The following VMP1 variants were observed in gnomAD, a reference collection of about 807,000 sequenced individuals.
The protein encoded by VMP1 is ectopic P-granules autophagy protein 3 homolog.
Under a neutral mutation model 56.0 loss-of-function variants are expected in VMP1, and 11 were observed. The observed-to-expected ratio is 0.20, with a 90% CI of 0.12 to 0.32. VMP1 has a LOEUF of 0.32. Ranked by LOEUF, VMP1 falls within the 10% of genes least tolerant of loss-of-function variation. VMP1 has a pLI of 1.00. For synonymous variants in VMP1, 149 were observed against 165.0 expected, an observed-to-expected ratio of 0.90 and a Z score of 0.74; for missense variants, 296 against 490.3, an observed-to-expected ratio of 0.60 and a Z score of 3.74.
intron 1 of VMP1, among the ~76,000 whole-genome samples, chr17:59,710,248 A>C (rs2033863648): frequency 6.6e-6 from 1 of 152,196 alleles, no homozygotes; most frequent in Non-Finnish European, 1.5e-5. Flanking sequence ...TAGAATTAGA[A>C]GGAATCTCTG....
chr17:59,751,870 A>G (rs1243930708), intron 5 of VMP1, among the ~76,000 whole-genome samples: 1 of 151,674 alleles, frequency 6.6e-6, no homozygotes, highest in African/African-American at 2.4e-5. Flanking sequence ...GCTGGAGTAC[A>G]GTGGCATGAA....
intron 10 of VMP1, among the ~76,000 whole-genome samples, chr17:59,831,612 A>ATTTTT (rs34016289): frequency 9.0e-5 from 12 of 132,916 alleles, no homozygotes; most frequent in Admixed American, 7.6e-5. Flanking sequence ...TTTTGAATGG[A>ATTTTT]TTTTTTTTTT....
chr17:59,789,163 A>G (rs2037123888), intron 7 of VMP1, among the ~76,000 whole-genome samples: 3 of 150,682 alleles, frequency 2.0e-5, no homozygotes, highest in Non-Finnish European at 4.4e-5. Flanking sequence ...GGTGGCACGC[A>G]CCTGTAGTCC....
intron 5 of VMP1, among the ~76,000 whole-genome samples, chr17:59,742,525 T>C (rs28560139): frequency 9.3e-6 from 1 of 107,646 alleles, no homozygotes; most frequent in Non-Finnish European, 1.8e-5. Flanking sequence ...TCAAAAACAA[T>C]AATAATAATA....
rs1194507259 is a variant in VMP1, at chr17:59,773,735, AT to A, written c.583-15del. ...TTGATAACAGAACCTCATTGTAAGT[AT>A]TTTGGTTTTTCACCTAGGGTATCGG... On this transcript the variant is annotated intron_variant, in intron 6 of 11. Transcript: ENST00000262291. The A allele has an allele frequency of 6.3e-7, 1 of 1,582,894 alleles. No individual in the cohort carries two copies. The highest frequency in any genetic ancestry group is 8.6e-7 in the Non-Finnish European group (1 of 1,165,770).
At chr17:59,750,586 G>C (rs1168953868) in intron 5 of VMP1, among the ~76,000 whole-genome samples, 1 of 152,094 alleles carries the variant, frequency 6.6e-6, no homozygotes, top group East Asian at 1.9e-4. Context: ...ACAGGCATGA[G>C]CCACCACGCC....
chr17:59,751,325 A>G (rs2035634243), intron 5 of VMP1, among the ~76,000 whole-genome samples: 1 of 152,228 alleles, frequency 6.6e-6, no homozygotes, highest in Non-Finnish European at 1.5e-5. Flanking sequence ...TCTCTCATGT[A>G]GCGGAAATTA....
At chr17:59,753,112 C>A (rs2777885) in intron 5 of VMP1, among the ~76,000 whole-genome samples, 62,654 of 151,600 alleles carry the variant, frequency 0.41, 14,761 homozygotes, top group Non-Finnish European at 0.53. Flanking sequence ...CCCGTCTCTA[C>A]GAAAAAAATT....
At chr17:59,718,884 A>G (rs1734663313) in intron 1 of VMP1, among the ~76,000 whole-genome samples, 1 of 151,942 alleles carries the variant, frequency 6.6e-6, no homozygotes, top group Non-Finnish European at 1.5e-5. Flanking sequence ...TTTTTTTCAT[A>G]TATCCCCATT....
intron 7 of VMP1, among the ~76,000 whole-genome samples, chr17:59,799,594 T>G (rs890468394): frequency 6.6e-6 from 1 of 152,204 alleles, no homozygotes; most frequent in Non-Finnish European, 1.5e-5. Flanking sequence ...AGAATTTATT[T>G]CCTAACCACA....
At chr17:59,814,460 CTTCAAG>C (rs2084522315) in intron 9 of VMP1, among the ~76,000 whole-genome samples, 1 of 152,200 alleles carries the variant, frequency 6.6e-6, no homozygotes, top group Non-Finnish European at 1.5e-5. Context: ...AGTCTTTTGA[CTTCAAG>C]TTCAGTGTTC....
intron 2 of VMP1, among the ~76,000 whole-genome samples, chr17:59,732,968 G>T (rs185762736): frequency 1.6e-4 from 25 of 152,202 alleles, no homozygotes; most frequent in Non-Finnish European, 2.9e-4. Flanking sequence ...AGGAGTTTGA[G>T]ACCAGCCAGG....
At chr17:59,784,449 C>G (rs893230579) in intron 7 of VMP1, among the ~76,000 whole-genome samples, 11 of 152,104 alleles carry the variant, frequency 7.2e-5, no homozygotes, top group African/African-American at 2.7e-4. Context: ...CTCAAATTGT[C>G]TCTGAATTCC....
chr17:59,776,836 T>C (rs1429328586), intron 7 of VMP1, among the ~76,000 whole-genome samples: 2 of 152,234 alleles, frequency 1.3e-5, no homozygotes, highest in Non-Finnish European at 2.9e-5. Context: ...CAGCTATACA[T>C]TTTTTTGCTA....
Position 59,839,941 on chromosome 17 carries a change from G to C in VMP1, c.*30G>C. 6.2e-7 allele frequency: 1 copy of C among 1,606,956 alleles called. No individual in the cohort carries two copies. The highest frequency in any genetic ancestry group is 8.5e-7 in the Non-Finnish European group (1 of 1,178,580). On this transcript the variant is annotated 3_prime_UTR_variant, in exon 12 of 12. Transcript: ENST00000262291. ...AGAAAGTTTTAAACTGCAGAAATTGGAGTGGATGGGTTCTGCCTTAAATTG... is the reference window on the plus strand; with the variant it reads ...AGAAAGTTTTAAACTGCAGAAATTGCAGTGGATGGGTTCTGCCTTAAATTG...
chr17:59,717,044 A>G (rs552330678), intron 1 of VMP1, among the ~76,000 whole-genome samples: 62 of 151,068 alleles, frequency 4.1e-4, no homozygotes, highest in African/African-American at 1.4e-3. Context: ...CAGCGTTGCG[A>G]TCTCGGCTTA....
At chr17:59,808,709 T>TGG (rs1189592093) in intron 7 of VMP1, 87 bp from the exon 8 acceptor site, 2 of 1,055,846 alleles carry the variant, frequency 1.9e-6, no homozygotes, top group African/African-American at 3.2e-5. Flanking sequence ...GTCATCAGAT[T>TGG]GGGAGATCTT....
At chr17:59,809,003 CT>C (rs532671984) in intron 8 of VMP1, 127 bp downstream of exon 8, 87,869 of 566,876 alleles carry the variant, frequency 0.16, no homozygotes, top group South Asian at 0.21. Context: ...AATCATTCAC[CT>C]TTTTTTTTTT....
At chr17:59,824,824 G>C (rs1407336927) in intron 10 of VMP1, among the ~76,000 whole-genome samples, 2 of 138,962 alleles carry the variant, frequency 1.4e-5, no homozygotes, top group Non-Finnish European at 3.0e-5. Flanking sequence ...AGTGAGCCGA[G>C]ATTGCGCCAC....
Sources: allele counts gnomAD v4.1 joint callset (sites outside exome capture counted in the v4.1 genomes callset), GRCh38; gene constraint gnomAD v4.1.1; transcripts MANE v1.5; gene names NCBI Gene and HGNC (gene_info 2026-07-23, HGNC 2026-07-21).